Variants in KIF6 observed in about 807,000 individuals in gnomAD.
The protein encoded by KIF6 is kinesin-like protein KIF6.
KIF6 carries 106 observed loss-of-function variants against 112.7 expected under a neutral mutation model. The ratio of observed to expected loss-of-function variants is 0.94; its 90% CI spans 0.80 to 1.11. The LOEUF is 1.11. Among genes scored for constraint, KIF6 ranks in the 50% least tolerant of loss-of-function variants. The pLI, the probability that KIF6 is intolerant of heterozygous loss-of-function variation, is 0.00. For missense variants in KIF6, 929 were observed against 964.0 expected (o/e 0.96, Z 0.48); for synonymous variants, 339 against 339.9 (o/e 1.00, Z 0.03).
intron 13 of KIF6, among the ~76,000 whole-genome samples, chr6:39,434,598 C>A (rs1039500312): frequency 6.6e-6 from 1 of 151,660 alleles, no homozygotes; most frequent in African/African-American, 2.4e-5. Context: ...AAAAACAAAA[C>A]AAAACAAAAC....
intron 3 of KIF6, among the ~76,000 whole-genome samples, chr6:39,712,384 T>C (rs1210499206): frequency 2.0e-5 from 3 of 151,926 alleles, no homozygotes; most frequent in Non-Finnish European, 4.4e-5. Flanking sequence ...TATTTCTTAT[T>C]GATAAAAGAT....
intron 15 of KIF6, among the ~76,000 whole-genome samples, chr6:39,415,573 A>G (rs1455636636): frequency 1.3e-5 from 2 of 152,262 alleles, no homozygotes; most frequent in Non-Finnish European, 2.9e-5. Context: ...AAATAGTAAC[A>G]AAAGGATATA....
At chr6:39,507,170 G>T (rs955903798) in intron 13 of KIF6, among the ~76,000 whole-genome samples, 2 of 152,146 alleles carry the variant, frequency 1.3e-5, no homozygotes, top group African/African-American at 4.8e-5. Context: ...GGCATCAGAA[G>T]TGGTGGCAGT....
At chr6:39,362,656 G>A in intron 16 of KIF6, 138 bp from the exon 17 acceptor site, 2 of 686,004 alleles carry the variant, frequency 2.9e-6, no homozygotes, top group Non-Finnish European at 2.6e-6. Flanking sequence ...CCTCTTGGTG[G>A]CAACCTCTGC....
At chr6:39,469,667 C>G (rs1262243794) in intron 13 of KIF6, among the ~76,000 whole-genome samples, 1 of 152,066 alleles carries the variant, frequency 6.6e-6, no homozygotes, top group Non-Finnish European at 1.5e-5. Flanking sequence ...ACTTCATCAC[C>G]CAGGTATTAA....
At chr6:39,539,576 C>A (rs975955874) in intron 13 of KIF6, among the ~76,000 whole-genome samples, 1 of 152,202 alleles carries the variant, frequency 6.6e-6, no homozygotes, top group Admixed American at 6.5e-5. Flanking sequence ...AACTCCTGAC[C>A]TTGTGATCTG....
At chr6:39,579,097 T>G (rs1781142478) in intron 9 of KIF6, among the ~76,000 whole-genome samples, 1 of 152,238 alleles carries the variant, frequency 6.6e-6, no homozygotes, top group South Asian at 2.1e-4. Context: ...TAGTGTGCAC[T>G]TTAGAAGTAG....
In KIF6 at chr6:39,630,532, T is replaced by C. The variant is rs539445314; in HGVS notation, c.509+4317A>G. Among the ~76,000 whole-genome samples, 3 of 152,202 alleles carry C rather than the reference T, an allele frequency of 2.0e-5. No homozygotes were observed. In the East Asian group the frequency reaches 5.8e-4, roughly 29 times the overall value. ...ACAATTGACTTTTGTACATTAACCT[T>C]GTATTCTGCAACCTTGCCATAATCA... On this transcript the variant is annotated intron_variant, in intron 5 of 22. Transcript: ENST00000287152.
intron 6 of KIF6, among the ~76,000 whole-genome samples, chr6:39,608,366 T>C (rs554946152): frequency 2.0e-5 from 3 of 152,236 alleles, no homozygotes; most frequent in East Asian, 3.8e-4. Flanking sequence ...AGAACACTTA[T>C]ATTAGCCTAC....
At chr6:39,514,149 G>A (rs983097382) in intron 13 of KIF6, among the ~76,000 whole-genome samples, 4 of 151,996 alleles carry the variant, frequency 2.6e-5, no homozygotes, top group African/African-American at 7.3e-5. Flanking sequence ...ATTCATAATT[G>A]TATATTATTT....
At chr6:39,628,168 A>C (rs559870458) in intron 5 of KIF6, among the ~76,000 whole-genome samples, 7 of 152,222 alleles carry the variant, frequency 4.6e-5, no homozygotes, top group African/African-American at 1.7e-4. Flanking sequence ...ATAGTATTAA[A>C]ATATCACAAC....
At chr6:39,503,368 A>C (rs561961217) in intron 13 of KIF6, among the ~76,000 whole-genome samples, 48 of 152,322 alleles carry the variant, frequency 3.2e-4, no homozygotes, top group African/African-American at 1.2e-3. Context: ...TTGTAGCACT[A>C]AATGCCCACA....
chr6:39,520,110 A>G (rs926411092), intron 13 of KIF6, among the ~76,000 whole-genome samples: 1 of 152,128 alleles, frequency 6.6e-6, no homozygotes, highest in African/African-American at 2.4e-5. Context: ...AGACTTCCCT[A>G]TTCCTCTTCC....
intron 13 of KIF6, among the ~76,000 whole-genome samples, chr6:39,436,491 T>C (rs1284180046): frequency 6.6e-6 from 1 of 152,126 alleles, no homozygotes; most frequent in African/African-American, 2.4e-5. Flanking sequence ...GGAATTTTTA[T>C]GGCTTCAAGT....
chr6:39,632,560 A>G (rs1311146786), intron 5 of KIF6, among the ~76,000 whole-genome samples: 1 of 151,890 alleles, frequency 6.6e-6, no homozygotes, highest in Non-Finnish European at 1.5e-5. Context: ...AATTAATAGC[A>G]CATATGCTTA....
chr6:39,422,749 G>C (rs1414805474), intron 14 of KIF6, among the ~76,000 whole-genome samples: 2 of 152,168 alleles, frequency 1.3e-5, no homozygotes, highest in Non-Finnish European at 2.9e-5. Flanking sequence ...TCTCCAGCCA[G>C]CCCCAGTCTC....
intron 21 of KIF6, among the ~76,000 whole-genome samples, chr6:39,345,211 G>A (rs1763608824): frequency 6.6e-6 from 1 of 152,246 alleles, no homozygotes; most frequent in Non-Finnish European, 1.5e-5. Context: ...CCCGCTGCAG[G>A]CCAGCCGGAA....
intron 6 of KIF6, among the ~76,000 whole-genome samples, chr6:39,606,508 A>G (rs1232245285): frequency 6.6e-6 from 1 of 152,150 alleles, no homozygotes; most frequent in African/African-American, 2.4e-5. Flanking sequence ...AGAGTAGCCT[A>G]GAGGATAGGT....
intron 15 of KIF6, among the ~76,000 whole-genome samples, chr6:39,402,400 G>C (rs1315347283): frequency 6.6e-6 from 1 of 152,156 alleles, no homozygotes; most frequent in African/African-American, 2.4e-5. Flanking sequence ...CAGTGATTTA[G>C]GAAGTCAGGG....
Sources: allele counts gnomAD v4.1 joint callset (sites outside exome capture counted in the v4.1 genomes callset), GRCh38; gene constraint gnomAD v4.1.1; transcripts MANE v1.5; gene names NCBI Gene and HGNC (gene_info 2026-07-23, HGNC 2026-07-21).